BPHL: variants seen among roughly 807,000 people sequenced by gnomAD.
The protein encoded by BPHL is biphenyl hydrolase like.
A neutral mutation model predicts 31.2 loss-of-function variants in BPHL; 27 were observed. That is an observed-to-expected ratio of 0.87 (90% CI 0.64 to 1.19). The LOEUF (loss-of-function observed/expected upper bound fraction) is 1.19, where lower values mean the gene tolerates loss of function less well. Ranked by LOEUF, BPHL falls within the 50% of genes most tolerant of loss-of-function variation. The pLI is 0.00. For synonymous variants in BPHL, 150 were observed against 146.8 expected (o/e 1.02, Z -0.16); for missense variants, 356 against 375.7 (o/e 0.95, Z 0.43).
rs747367961 is a variant in BPHL, at chr6:3,140,406, C to T, written c.685C>T (p.Leu229=). ...GTCAGGTAACATCTGCCGGCACCTG[C>T]TGCCCCGGGTCCAGTGCCCCGCCTT... ...LPDGNICRHL[L]PRVQCPALIV... is the part of the protein sequence containing the mutation. The change falls in exon 6 of 7, where the codon CTG becomes TTG. Residue 229 remains leucine (L), a synonymous_variant. Coordinates refer to ENST00000380379, the MANE Select transcript of BPHL (RefSeq NM_004332.4). This position sits in a 1 kb window ranked among gnomAD's most constrained non-coding sequence, Gnocchi z 5.2. The T allele has an allele frequency of 6.2e-7, 1 of 1,614,196 alleles. No individual in the cohort carries two copies. Among genetic ancestry groups the T allele is most frequent in the Non-Finnish European group, 8.5e-7 (1 of 1,180,038 alleles).
In BPHL at chr6:3,134,022, G is replaced by A. The variant is rs1422877869; in HGVS notation, c.533-3340G>A. On this transcript the variant is annotated intron_variant, in intron 4 of 6. Transcript: ENST00000380379. Reference sequence around the variant, plus strand: ...TAATTCACTAGCCAATCAAATGGGTGTAAGATATTATCTTATTGGGGTCTT... The same window carrying A: ...TAATTCACTAGCCAATCAAATGGGTATAAGATATTATCTTATTGGGGTCTT... Among the ~76,000 whole-genome samples the A allele has an allele frequency of 2.0e-5, 3 of 152,340 alleles. No homozygotes were observed. In the East Asian group the frequency reaches 5.8e-4, roughly 29 times the overall value.
intron 1 of BPHL, among the ~76,000 whole-genome samples, chr6:3,122,983 T>C (rs2113745089): frequency 6.6e-6 from 1 of 152,332 alleles, no homozygotes; most frequent in East Asian, 1.9e-4. Flanking sequence ...TCTCTGCCCC[T>C]GATGTCCACC....
chr6:3,135,287 G>A (rs1761984363), intron 4 of BPHL, among the ~76,000 whole-genome samples: 1 of 152,230 alleles, frequency 6.6e-6, no homozygotes, highest in African/African-American at 2.4e-5. Context: ...GTTTAGCTGA[G>A]TGTGGAAATG....
At chr6:3,126,267 T>C (rs1229698279) in intron 2 of BPHL, among the ~76,000 whole-genome samples, 2 of 152,044 alleles carry the variant, frequency 1.3e-5, no homozygotes, top group African/African-American at 4.8e-5. Context: ...AAATTAAAAA[T>C]CTGGAATTTT....
chr6:3,144,380 T>G (rs1561799017), intron 6 of BPHL, among the ~76,000 whole-genome samples: 3 of 70,400 alleles, frequency 4.3e-5, no homozygotes, highest in African/African-American at 2.0e-4. Context: ...TTCTTTTTTT[T>G]TTTTTTTTTT....
chr6:3,148,237 G>A (rs796590185), intron 6 of BPHL, among the ~76,000 whole-genome samples: 1 of 152,322 alleles, frequency 6.6e-6, no homozygotes, highest in African/African-American at 2.4e-5. Flanking sequence ...GAGGGATCAG[G>A]CCTGGGATGT....
chr6:3,152,314 G>A (rs1422461972), intron 6 of BPHL, among the ~76,000 whole-genome samples, 174 bp from the exon 7 acceptor site: 4 of 152,122 alleles, frequency 2.6e-5, no homozygotes, highest in Admixed American at 6.5e-5. Context: ...AGAGTTTCAC[G>A]TGTCTGACTA....
Position 3,145,251 on chromosome 6 carries a change from TCGGGGTGGAGTGCTGGTG to T in BPHL, c.788+4743_788+4760del. ...GTGCTGGTTCGGGTGGAGTGCTGGT[TCGGGGTGGAGTGCTGGTG>T]TGGGTTGGAGTGCTGGTTCGGGTCC... On this transcript the variant is annotated intron_variant, in intron 6 of 6. Coordinates refer to ENST00000380379, the MANE Select transcript of BPHL (RefSeq NM_004332.4). Among the ~76,000 whole-genome samples the T allele has an allele frequency of 5.5e-5, 3 of 54,784 alleles. 1 individual carries two copies. Among genetic ancestry groups the T allele is most frequent in the South Asian group, 4.6e-4 (1 of 2,168 alleles). The allele number at this position is 54,784 out of a possible 152,430, so 35.9% of individuals were successfully genotyped here. A position where few individuals can be genotyped will look rare whatever the true frequency, so the allele number is the denominator to read the frequency against.
chr6:3,129,124 C>T lies in BPHL; in HGVS notation c.458C>T (p.Pro153Leu). 1 of 1,613,538 alleles carries T rather than the reference C, an allele frequency of 6.2e-7. No homozygotes were observed. The highest frequency in any genetic ancestry group is 8.5e-7 in the Non-Finnish European group (1 of 1,179,628). Residue 153 changes from proline to leucine, a missense_variant, in exon 4 of 7, where the codon CCA (proline) becomes CTA (leucine). Pro to Leu is a moderately conservative substitution (Grantham distance 98, BLOSUM62 -3). Transcript: ENST00000380379. ...GCACTCATTGCTGCTGCAAAATATC[C>T]ATCTTACATCCACAAGATGGTGATC... ...ITALIAAAKYPSYIHKMVIWG... is the reference protein window; with the variant it reads ...ITALIAAAKYLSYIHKMVIWG...
intron 6 of BPHL, among the ~76,000 whole-genome samples, chr6:3,143,926 T>C (rs13204642): frequency 0.086 from 13,152 of 152,272 alleles, 836 homozygotes; most frequent in African/African-American, 0.17. Context: ...ACCCCTCAGC[T>C]CCTGCCTTTG....
At chr6:3,125,049 A>AT (rs796265003) in intron 2 of BPHL, among the ~76,000 whole-genome samples, 479 of 142,400 alleles carry the variant, frequency 3.4e-3, no homozygotes, top group Middle Eastern at 0.011. Flanking sequence ...TACCAATTTA[A>AT]TTTTTTTTTT....
At chr6:3,141,391 G>A (rs1762171009) in intron 6 of BPHL, among the ~76,000 whole-genome samples, 1 of 151,868 alleles carries the variant, frequency 6.6e-6, no homozygotes, top group African/African-American at 2.4e-5. Flanking sequence ...TTTTGGAGTC[G>A]GAGTCTCGCA....
Position 3,143,415 on chromosome 6 carries a change from T to C in BPHL, c.788+2906T>C, listed in dbSNP as rs199523293. 2.6e-5 allele frequency among the ~76,000 whole-genome samples: 4 copies of C among 152,320 alleles called. No homozygotes were observed. In the East Asian group the frequency reaches 7.7e-4, roughly 29 times the overall value. On this transcript the variant is annotated intron_variant, in intron 6 of 6. Coordinates refer to ENST00000380379, the MANE Select transcript of BPHL (RefSeq NM_004332.4). ...TTAATTTGTCTCTTTCTCTCTTCTC[T>C]CTTTGTGGTAGAAGAAAAATAAGAA...
chr6:3,145,675 GCTGGTTTGGGTC>G, intron 6 of BPHL, among the ~76,000 whole-genome samples: 2 of 66,804 alleles, frequency 3.0e-5, no homozygotes, highest in African/African-American at 5.3e-5. Context: ...GGGTCGGAGT[GCTGGTTTGGGTC>G]GAGTGCTGGT....
intron 1 of BPHL, chr6:3,119,471 G>C: frequency 1.2e-6 from 2 of 1,613,958 alleles, no homozygotes; most frequent in Non-Finnish European, 1.7e-6. Context: ...CCAGGAATCT[G>C]CTTTATTCTC....
Position 3,140,384 on chromosome 6 carries a change from A to G in BPHL, c.665-2A>G, listed in dbSNP as rs755749662. 1.9e-5 allele frequency: 31 copies of G among 1,614,054 alleles called. No homozygotes were observed. The highest frequency in any genetic ancestry group is 2.6e-5 in the Non-Finnish European group (31 of 1,180,044). ...AGATTCCTCGTGCTGTGTATCCGTC[A>G]GGTAACATCTGCCGGCACCTGCTGC... is the stretch of plus-strand genomic sequence containing the variant. On this transcript the variant is annotated splice_acceptor_variant, in intron 5 of 6. Transcript: ENST00000380379. LOFTEE classifies it high-confidence loss of function. The surrounding 1 kb of genome is among the most constrained non-coding windows in gnomAD (Gnocchi z 5.2).
chr6:3,120,194 C>T (rs571710535), intron 1 of BPHL, among the ~76,000 whole-genome samples: 63 of 152,080 alleles, frequency 4.1e-4, no homozygotes, highest in African/African-American at 1.5e-3. Flanking sequence ...GCCACCATGC[C>T]CGGCTAATTT....
chr6:3,121,291 CTTTTTTTTT>C (rs67332286), intron 1 of BPHL, among the ~76,000 whole-genome samples: 81 of 80,396 alleles, frequency 1.0e-3, no homozygotes, highest in African/African-American at 3.8e-3. Context: ...ATAGCAGTTT[CTTTTTTTTT>C]TTTTTTTTTT....
chr6:3,146,517 T>TCA (rs1762372179), intron 6 of BPHL, among the ~76,000 whole-genome samples: 1 of 108,112 alleles, frequency 9.2e-6, no homozygotes, highest in Non-Finnish European at 1.8e-5. Flanking sequence ...AGTGCTGGTG[T>TCA]GGGTCGGAGT....
Sources: allele counts gnomAD v4.1 joint callset (sites outside exome capture counted in the v4.1 genomes callset), GRCh38; gene constraint gnomAD v4.1.1; non-coding constraint Gnocchi (gnomAD v3.1); transcripts MANE v1.5; gene names NCBI Gene and HGNC (gene_info 2026-07-23, HGNC 2026-07-21).